The following FRMD4A variants were observed in gnomAD, a reference collection of about 807,000 sequenced individuals.
FRMD4A encodes FERM domain containing 4A.
A neutral mutation model predicts 129.1 loss-of-function variants in FRMD4A; 29 were observed. The ratio of observed to expected loss-of-function variants is 0.22; its 90% CI spans 0.17 to 0.31. FRMD4A has a LOEUF of 0.31. FRMD4A is among the 10% of genes least tolerant of loss of function. The pLI is 1.00. For synonymous variants in FRMD4A, 634 were observed against 571.6 expected (o/e 1.11, Z -1.56); for missense variants, 1,272 against 1,375.8 (o/e 0.92, Z 1.19).
At chr10:14,294,280 T>C (rs1229627813) in intron 2 of FRMD4A, among the ~76,000 whole-genome samples, 1 of 152,214 alleles carries the variant, frequency 6.6e-6, no homozygotes, top group African/African-American at 2.4e-5. Flanking sequence ...ATAGGCATAT[T>C]TGGCTTTAAA....
intron 2 of FRMD4A, among the ~76,000 whole-genome samples, chr10:14,210,153 AT>A (rs1430865650): frequency 1.3e-5 from 2 of 152,206 alleles, no homozygotes; most frequent in Admixed American, 6.5e-5. Flanking sequence ...CCCCAAAATT[AT>A]TCCATTGAAA....
intron 2 of FRMD4A, among the ~76,000 whole-genome samples, chr10:14,239,482 C>G (rs1329710774): frequency 6.6e-6 from 1 of 152,074 alleles, no homozygotes; most frequent in African/African-American, 2.4e-5. Flanking sequence ...AAAAAATTAG[C>G]TGGGCGTGGT....
chr10:14,032,018 G>T (rs1384262759), intron 2 of FRMD4A, among the ~76,000 whole-genome samples: 2 of 152,012 alleles, frequency 1.3e-5, no homozygotes, highest in Non-Finnish European at 2.9e-5. Context: ...ATGTTGCCCA[G>T]GCTGACCCTG....
intron 2 of FRMD4A, among the ~76,000 whole-genome samples, chr10:14,309,667 C>A (rs1358318566): frequency 2.6e-5 from 4 of 152,010 alleles, no homozygotes; most frequent in Non-Finnish European, 1.5e-5. Flanking sequence ...AGCCTCCAGG[C>A]CCCCCTCCTG....
chr10:13,819,652 G>A (rs1246094706), intron 3 of FRMD4A, among the ~76,000 whole-genome samples: 4 of 151,966 alleles, frequency 2.6e-5, no homozygotes, highest in African/African-American at 9.7e-5. Context: ...TGATCCTTGG[G>A]AGGAGGAACT....
chr10:14,305,487 G>A (rs1011070008), intron 2 of FRMD4A, among the ~76,000 whole-genome samples: 2 of 152,044 alleles, frequency 1.3e-5, no homozygotes, highest in Non-Finnish European at 1.5e-5. Flanking sequence ...TCATGCCAAG[G>A]AAACATCCCT....
At chr10:14,285,957 G>T (rs904927697) in intron 2 of FRMD4A, among the ~76,000 whole-genome samples, 1 of 152,200 alleles carries the variant, frequency 6.6e-6, no homozygotes, top group African/African-American at 2.4e-5. Flanking sequence ...AAAAACGCAA[G>T]ATGGCGGATC....
chr10:13,762,320 G>A (rs371186854), intron 7 of FRMD4A, among the ~76,000 whole-genome samples: 32 of 152,244 alleles, frequency 2.1e-4, no homozygotes, highest in East Asian at 1.9e-3. Context: ...TTTCTCCAGG[G>A]TGGAGGTACC....
intron 2 of FRMD4A, among the ~76,000 whole-genome samples, chr10:14,273,248 ACC>A (rs1564432215): frequency 6.6e-6 from 1 of 152,068 alleles, no homozygotes; most frequent in Non-Finnish European, 1.5e-5. Context: ...CAAAGTGAGA[ACC>A]CGCCTCAGAA....
chr10:13,904,256 C>G (rs374514851), intron 2 of FRMD4A, among the ~76,000 whole-genome samples: 1 of 1,442 alleles, frequency 6.9e-4, no homozygotes, highest in Non-Finnish European at 1.5e-3. Context: ...CCAAGGAGAA[C>G]GCTCCTACAG....
At chr10:13,824,609 A>G (rs1393351140) in intron 3 of FRMD4A, among the ~76,000 whole-genome samples, 1 of 152,020 alleles carries the variant, frequency 6.6e-6, no homozygotes, top group Non-Finnish European at 1.5e-5. Context: ...ATTAAGAGTA[A>G]CAGCTGGGTA....
intron 2 of FRMD4A, among the ~76,000 whole-genome samples, chr10:13,893,790 C>T (rs1219081657): frequency 5.3e-5 from 8 of 152,184 alleles, no homozygotes; most frequent in African/African-American, 1.9e-4. Flanking sequence ...GGATTACAGG[C>T]GTGAGCCACC....
intron 2 of FRMD4A, among the ~76,000 whole-genome samples, chr10:13,893,910 C>G (rs533235397): frequency 2.0e-5 from 3 of 152,186 alleles, no homozygotes; most frequent in Non-Finnish European, 4.4e-5. Flanking sequence ...TGGCCACTGT[C>G]ATATTCTGTA....
intron 2 of FRMD4A, among the ~76,000 whole-genome samples, chr10:14,203,762 G>C (rs57103114): frequency 0.028 from 4,317 of 152,248 alleles, 202 homozygotes; most frequent in African/African-American, 0.094. Context: ...ATGCTAATGG[G>C]AATGCTCTAT....
intron 12 of FRMD4A, among the ~76,000 whole-genome samples, chr10:13,712,384 C>T (rs1372612878): frequency 2.0e-5 from 3 of 152,054 alleles, no homozygotes; most frequent in African/African-American, 4.8e-5. Flanking sequence ...TGTAGTGGCA[C>T]GCGCCTGTAA....
At chr10:14,206,363 C>T (rs1842781274) in intron 2 of FRMD4A, among the ~76,000 whole-genome samples, 1 of 152,320 alleles carries the variant, frequency 6.6e-6, no homozygotes, top group Middle Eastern at 3.4e-3. Context: ...GCAATTGCAG[C>T]TGTCTTCTCC....
In FRMD4A at chr10:13,691,509, GTC is replaced by G. The variant is rs2085687956; in HGVS notation, c.1117+2387_1117+2388del. 2.0e-5 allele frequency among the ~76,000 whole-genome samples: 3 copies of G among 152,126 alleles called. No individual in the cohort carries two copies. In the South Asian group the frequency reaches 6.2e-4, roughly 32 times the overall value. On this transcript the variant is annotated intron_variant, in intron 15 of 24. Coordinates refer to ENST00000357447, the MANE Select transcript of FRMD4A (RefSeq NM_018027.5). ...TGGGCAACACACCCACCCCAAGCTT[GTC>G]TCTTCCTCAGCAACAAGAGAGTCTC...
intron 2 of FRMD4A, among the ~76,000 whole-genome samples, chr10:14,261,302 GA>G (rs1234907185): frequency 1.3e-5 from 2 of 152,194 alleles, no homozygotes; most frequent in Non-Finnish European, 2.9e-5. Flanking sequence ...TCCTATACAT[GA>G]TGGGTTAAAT....
chr10:14,294,185 T>C (rs927970578), intron 2 of FRMD4A, among the ~76,000 whole-genome samples: 2 of 152,236 alleles, frequency 1.3e-5, no homozygotes, highest in Non-Finnish European at 2.9e-5. Flanking sequence ...TTGATGTTTA[T>C]TTTATTCTTC....
Sources: allele counts gnomAD v4.1 joint callset (sites outside exome capture counted in the v4.1 genomes callset), GRCh38; gene constraint gnomAD v4.1.1; transcripts MANE v1.5; gene names NCBI Gene and HGNC (gene_info 2026-07-23, HGNC 2026-07-21).